The following FOXN2 variants were observed in gnomAD, a reference collection of about 807,000 sequenced individuals.
FOXN2 encodes forkhead box protein N2.
In FOXN2, 19 loss-of-function variants were observed where a neutral mutation model predicts 41.2. The observed-to-expected ratio is 0.46, with a 90% CI of 0.32 to 0.68. The LOEUF is 0.68. Ranked by LOEUF, FOXN2 falls within the 30% of genes least tolerant of loss-of-function variation. The pLI is 0.03. For synonymous variants in FOXN2, 195 were observed against 176.8 expected (o/e 1.10, Z -0.82); for missense variants, 587 against 509.4 (o/e 1.15, Z -1.47).
chr2:48,375,088 G>A lies in FOXN2; in HGVS notation c.941G>A (p.Cys314Tyr), dbSNP rs762438043. ...GCAAGTAGCATGGCAGCACAGCGTT[G>A]TGCATCCAGGTCTAGCGTGTCTTCC... Reference protein sequence around the residue: ...YSASSMAAQRCASRSSVSSLS... With the variant: ...YSASSMAAQRYASRSSVSSLS... Residue 314 changes from cysteine (C) to tyrosine (Y), a missense_variant, in exon 7 of 7, where the codon TGT becomes TAT. Transcript: ENST00000340553. 3 of 1,614,106 alleles carry A rather than the reference G, an allele frequency of 1.9e-6. No individual in the cohort carries two copies. In the Admixed American group the frequency reaches 5.0e-5, roughly 27 times the overall value.
chr2:48,320,892 G>A (rs1040958518), intron 1 of FOXN2, among the ~76,000 whole-genome samples: 1 of 152,174 alleles, frequency 6.6e-6, no homozygotes. Flanking sequence ...AGTTAAGTAA[G>A]TGGTATTATT....
intron 1 of FOXN2, among the ~76,000 whole-genome samples, chr2:48,326,099 C>T (rs1481134300): frequency 6.6e-6 from 1 of 152,142 alleles, no homozygotes; most frequent in Non-Finnish European, 1.5e-5. Flanking sequence ...ATCTGCCTGC[C>T]TTGGCCTACC....
At chr2:48,329,919 AGGTTT>A (rs1669926611) in intron 2 of FOXN2, among the ~76,000 whole-genome samples, 1 of 151,992 alleles carries the variant, frequency 6.6e-6, no homozygotes, top group South Asian at 2.1e-4. Context: ...AGTGGCTGTT[AGGTTT>A]ATTACACAGT....
chr2:48,347,337 A>T (rs776844251), intron 3 of FOXN2, among the ~76,000 whole-genome samples: 10 of 143,372 alleles, frequency 7.0e-5, no homozygotes. Flanking sequence ...AGCGATTCTT[A>T]ATGCCTCAGC....
Position 48,322,628 on chromosome 2 carries a change from C to G in FOXN2, c.-156-5933C>G, listed in dbSNP as rs560056783. Among the ~76,000 whole-genome samples, 4 of 151,724 alleles carry G rather than the reference C, an allele frequency of 2.6e-5. No homozygotes were observed. The South Asian group carries it at 8.3e-4, about 31-fold the overall frequency. ...ACATTTTTTTCGTAATCCTTTAAGT[C>G]TTCATTTCTGAAATGATTTTTTCCC... On this transcript the variant is annotated intron_variant, in intron 1 of 6. Coordinates refer to ENST00000340553, the MANE Select transcript of FOXN2 (RefSeq NM_002158.4).
In FOXN2 at chr2:48,378,203, AT is replaced by A. The variant is rs1237333144; in HGVS notation, c.*2761del. The A allele has an allele frequency of 2.0e-5, 3 of 152,292 alleles. No homozygotes were observed. The highest frequency in any genetic ancestry group is 1.3e-4 in the Admixed American group (2 of 15,228). The allele number at this position is 152,292 out of a possible 1,614,324, so 9.4% of individuals were successfully genotyped here. ...TATTTTTGAAGTTTTTTTGTGCAAT[AT>A]ATTACTAAATCAGTTATTATTTTAC... On this transcript the variant is annotated 3_prime_UTR_variant, in exon 7 of 7. Coordinates refer to ENST00000340553, the MANE Select transcript of FOXN2 (RefSeq NM_002158.4).
intron 3 of FOXN2, among the ~76,000 whole-genome samples, chr2:48,357,773 T>C (rs1484211647): frequency 6.6e-6 from 1 of 151,568 alleles, no homozygotes; most frequent in African/African-American, 2.4e-5. Flanking sequence ...CAAAACACAT[T>C]TATCATTTGG....
intron 5 of FOXN2, 24 bp from the exon 6 acceptor site, chr2:48,373,268 T>C: frequency 6.6e-7 from 1 of 1,518,754 alleles, no homozygotes; most frequent in Non-Finnish European, 9.1e-7. Context: ...AGAACATTAA[T>C]ATTATTACTT....
chr2:48,370,994 G>A (rs1442911333), intron 5 of FOXN2, among the ~76,000 whole-genome samples: 2 of 151,914 alleles, frequency 1.3e-5, no homozygotes, highest in East Asian at 1.9e-4. Context: ...TGGGAGTCTC[G>A]TTTCATTCTT....
Position 48,316,721 on chromosome 2 carries a change from T to A in FOXN2, c.-157+1907T>A, listed in dbSNP as rs115829051. Among the ~76,000 whole-genome samples the A allele has an allele frequency of 9.0e-3, 1,370 of 152,310 alleles. 30 individuals are homozygous for A. The highest frequency in any genetic ancestry group is 0.031 in the African/African-American group (1,274 of 41,558). On this transcript the variant is annotated intron_variant, in intron 1 of 6. Transcript: ENST00000340553. ...TTGGAGAGTTTGGAAAATTTTTGAATTTAAGGACAATCCTTGTTTACTAAT... is the reference window on the plus strand; with the variant it reads ...TTGGAGAGTTTGGAAAATTTTTGAAATTAAGGACAATCCTTGTTTACTAAT...
intron 5 of FOXN2, among the ~76,000 whole-genome samples, chr2:48,366,104 C>T (rs555559870): frequency 6.6e-6 from 1 of 152,152 alleles, no homozygotes; most frequent in Non-Finnish European, 1.5e-5. Flanking sequence ...CGCCTATAAT[C>T]CCAGCACTTT....
intron 6 of FOXN2, among the ~76,000 whole-genome samples, chr2:48,374,324 AAC>A (rs1476690875): frequency 2.6e-5 from 4 of 152,158 alleles, no homozygotes; most frequent in Non-Finnish European, 4.4e-5. Context: ...AAATTCGGGA[AAC>A]ACAAAATGAA....
intron 2 of FOXN2, among the ~76,000 whole-genome samples, 158 bp downstream of exon 2, chr2:48,328,860 C>G (rs769003675): frequency 1.6e-4 from 25 of 152,122 alleles, no homozygotes; most frequent in South Asian, 4.1e-4. Flanking sequence ...ACTCTAAGAG[C>G]TGTAGTGGTT....
intron 2 of FOXN2, among the ~76,000 whole-genome samples, chr2:48,331,032 G>A (rs1209551146): frequency 6.6e-6 from 1 of 152,102 alleles, no homozygotes. Flanking sequence ...AATAACAGAT[G>A]GCATGGTTCT....
intron 2 of FOXN2, among the ~76,000 whole-genome samples, chr2:48,338,195 C>A (rs149436152): frequency 5.3e-5 from 8 of 152,116 alleles, no homozygotes; most frequent in African/African-American, 1.9e-4. Flanking sequence ...AAAGTTTTCT[C>A]GATATCTCAT....
At chr2:48,359,881 T>A (rs1672060529) in intron 4 of FOXN2, among the ~76,000 whole-genome samples, 1 of 152,126 alleles carries the variant, frequency 6.6e-6, no homozygotes, top group African/African-American at 2.4e-5. Flanking sequence ...TAAAATTTTT[T>A]AACAAGATTA....
chr2:48,340,662 T>G (rs948909450), intron 2 of FOXN2: 1 of 152,208 alleles, frequency 6.6e-6, no homozygotes, highest in African/African-American at 2.4e-5. Context: ...TCATTTTTCT[T>G]ATTTTATTTA....
At chr2:48,362,548 G>A (rs1295665506) in intron 4 of FOXN2, 95 bp from the exon 5 acceptor site, 22 of 1,024,916 alleles carry the variant, frequency 2.1e-5, no homozygotes, top group East Asian at 5.0e-5. Flanking sequence ...CAGCCTGGGC[G>A]GCCAGCAGAG....
chr2:48,345,530 T>C (rs1003404177), intron 2 of FOXN2, among the ~76,000 whole-genome samples: 1 of 152,184 alleles, frequency 6.6e-6, no homozygotes, highest in Non-Finnish European at 1.5e-5. Flanking sequence ...TATGAGGTGA[T>C]GGATATATTA....
Sources: allele counts gnomAD v4.1 joint callset (sites outside exome capture counted in the v4.1 genomes callset), GRCh38; gene constraint gnomAD v4.1.1; transcripts MANE v1.5; gene names NCBI Gene and HGNC (gene_info 2026-07-23, HGNC 2026-07-21).